Variants in CSPP1 observed in about 807,000 individuals in gnomAD.
CSPP1 encodes centrosome and spindle pole-associated protein 1.
CSPP1 carries 126 observed loss-of-function variants against 164.4 expected under a neutral mutation model. The observed-to-expected ratio is 0.77, with a 90% CI of 0.66 to 0.89. The LOEUF (loss-of-function observed/expected upper bound fraction) is 0.89. CSPP1 is among the 40% of genes least tolerant of loss of function. CSPP1 has a pLI of 0.00. For missense variants in CSPP1, 1,395 were observed against 1,449.8 expected, an observed-to-expected ratio of 0.96 and a Z score of 0.61; for synonymous variants, 472 against 476.7, an observed-to-expected ratio of 0.99 and a Z score of 0.13.
intron 1 of CSPP1, among the ~76,000 whole-genome samples, chr8:67,065,941 AAATATG>A (rs1339092433): frequency 2.0e-5 from 3 of 152,208 alleles, no homozygotes; most frequent in Non-Finnish European, 4.4e-5. Context: ...GCTTTCAGAC[AAATATG>A]AATTAACTGT....
chr8:67,167,822 C>T (rs1156355777), intron 24 of CSPP1, among the ~76,000 whole-genome samples: 5 of 150,590 alleles, frequency 3.3e-5, no homozygotes, highest in African/African-American at 4.9e-5. Context: ...ACTGGGCAGC[C>T]GGGCAGAGGG....
In CSPP1 at chr8:67,172,493, C is replaced by T. The variant is rs1480057271; in HGVS notation, c.2906C>T (p.Pro969Leu). Residue 969 changes from proline to leucine, a missense_variant, in exon 25 of 31, where the codon CCT becomes CTT. Pro to Leu is a moderately conservative substitution (Grantham distance 98). Coordinates refer to ENST00000678616, the MANE Select transcript of CSPP1 (RefSeq NM_001382391.1). ...CAAGCTCCTGTCAGAAGACAGTCCC[C>T]TAAGGGCTTAGACGCTGCCACTTTT... ...RLQAPVRRQSPKGLDAATFQN... is the reference protein window; with the variant it reads ...RLQAPVRRQSLKGLDAATFQN... 2.5e-6 allele frequency: 4 copies of T among 1,613,716 alleles called. No individual in the cohort carries two copies. The highest frequency in any genetic ancestry group is 2.2e-5 in the South Asian group (2 of 91,060).
intron 28 of CSPP1, 70 bp from the exon 29 acceptor site, chr8:67,190,580 C>A: frequency 8.9e-7 from 1 of 1,125,758 alleles, no homozygotes; most frequent in Non-Finnish European, 1.4e-6. Context: ...AATTAAAAGG[C>A]TCTTGGTTTA....
At chr8:67,083,548 A>AAAAAATAT (rs1332248754) in intron 3 of CSPP1, 6 of 91,484 alleles carry the variant, frequency 6.6e-5, no homozygotes, top group East Asian at 6.9e-4. Context: ...AAAAAAAAAA[A>AAAAAATAT]ATATATATAT....
At position 67,071,172 on chromosome 8, in the gene CSPP1, C is replaced by T. The variant is rs1029784226; in HGVS notation, c.-10-3071C>T. ...ATTCTTTTAGGTAAAGCCTGCTTTT[C>T]TACAATGATATATATATATATTTTA... On this transcript the variant is annotated intron_variant, in intron 1 of 30. Coordinates refer to ENST00000678616, the MANE Select transcript of CSPP1 (RefSeq NM_001382391.1). 3.3e-5 allele frequency among the ~76,000 whole-genome samples: 5 copies of T among 152,094 alleles called. No individual in the cohort carries two copies. The South Asian group carries it at 1.0e-3, about 31-fold the overall frequency.
At chr8:67,089,551 A>G (rs536177373) in intron 4 of CSPP1, among the ~76,000 whole-genome samples, 1 of 152,252 alleles carries the variant, frequency 6.6e-6, no homozygotes, top group African/African-American at 2.4e-5. Context: ...TGTCACAGTA[A>G]TTATTACCTT....
intron 18 of CSPP1, among the ~76,000 whole-genome samples, chr8:67,151,419 T>C (rs1026499180): frequency 6.6e-6 from 1 of 152,240 alleles, no homozygotes; most frequent in African/African-American, 2.4e-5. Flanking sequence ...TAGTCTGTAT[T>C]GAGATCTCAT....
intron 24 of CSPP1, among the ~76,000 whole-genome samples, chr8:67,171,778 C>A (rs555875996): frequency 6.6e-6 from 1 of 152,094 alleles, no homozygotes; most frequent in South Asian, 2.1e-4. Flanking sequence ...AAACTCCTGA[C>A]CTCAGGTGAT....
intron 28 of CSPP1, among the ~76,000 whole-genome samples, chr8:67,188,083 A>AAATT (rs1163805292): frequency 4.6e-5 from 7 of 152,250 alleles, no homozygotes; most frequent in African/African-American, 1.7e-4. Context: ...CTGTTAATTA[A>AAATT]GAGAATGAGA....
intron 14 of CSPP1, 80 bp from the exon 15 acceptor site, chr8:67,118,663 T>C: frequency 9.9e-7 from 1 of 1,012,390 alleles, no homozygotes; most frequent in South Asian, 1.6e-5. Context: ...ATTATGCACC[T>C]TTTTCTGGAG....
chr8:67,111,303 T>C (rs571130917), intron 9 of CSPP1, among the ~76,000 whole-genome samples: 3 of 152,342 alleles, frequency 2.0e-5, no homozygotes, highest in South Asian at 2.1e-4. Flanking sequence ...TCCTGTAGAA[T>C]TGAGTTTTTT....
At chr8:67,089,219 A>T (rs1018721161) in intron 4 of CSPP1, among the ~76,000 whole-genome samples, 7 of 151,598 alleles carry the variant, frequency 4.6e-5, no homozygotes, top group Non-Finnish European at 5.9e-5. Context: ...GTTTTAATTA[A>T]TTTTTTTTTC....
intron 19 of CSPP1, among the ~76,000 whole-genome samples, chr8:67,156,558 T>C (rs555004433): frequency 1.3e-5 from 2 of 152,306 alleles, no homozygotes; most frequent in Admixed American, 6.5e-5. Context: ...AAACCTAATA[T>C]GTAATTCTAA....
chr8:67,192,066 GTTTTTTTTTTTGT>G, intron 29 of CSPP1, among the ~76,000 whole-genome samples: 1 of 129,864 alleles, frequency 7.7e-6, no homozygotes. Context: ...TTGCTGATTT[GTTTTTTTTTTTGT>G]TTTTTTTTTT....
intron 21 of CSPP1, among the ~76,000 whole-genome samples, chr8:67,160,970 G>A (rs939787033): frequency 6.6e-6 from 1 of 152,048 alleles, no homozygotes; most frequent in African/African-American, 2.4e-5. Flanking sequence ...GGAATTACAG[G>A]TGCAAACTAC....
chr8:67,087,923 A>T (rs1810743764), intron 4 of CSPP1, among the ~76,000 whole-genome samples: 1 of 152,092 alleles, frequency 6.6e-6, no homozygotes, highest in Non-Finnish European at 1.5e-5. Context: ...GCTAATTTTC[A>T]CTTCACCCTC....
intron 18 of CSPP1, 128 bp downstream of exon 18, chr8:67,150,063 AAC>A: frequency 2.2e-6 from 2 of 928,852 alleles, no homozygotes; most frequent in East Asian, 3.0e-5. Context: ...CAGGAAACAT[AAC>A]ACACTATTCA....
At chr8:67,166,273 T>TGCTGGGTGTCACTGCTTCTA (rs1829291752) in intron 24 of CSPP1, among the ~76,000 whole-genome samples, 1 of 152,236 alleles carries the variant, frequency 6.6e-6, no homozygotes, top group African/African-American at 2.4e-5. Context: ...GTCTGCTTAT[T>TGCTGGGTGTCACTGCTTCTA]GCTGGGTGTC....
rs533123343 is a variant in CSPP1 at position 67,073,850 on chromosome 8, T to G, written c.-10-393T>G. On this transcript the variant is annotated intron_variant, in intron 1 of 30. Transcript: ENST00000678616. ...TTAATAGGGAATTAATAAAGACTCT[T>G]TGTGTGTTCTTGGTATTATTACTGT... is the stretch of plus-strand genomic sequence containing the variant. 3.3e-5 allele frequency among the ~76,000 whole-genome samples: 5 copies of G among 152,254 alleles called. No individual in the cohort carries two copies. In the South Asian group the frequency reaches 1.0e-3, roughly 32 times the overall value.
Sources: gnomAD v4.1 joint callset for allele counts (sites outside exome capture counted in the v4.1 genomes callset) on GRCh38, gnomAD v4.1.1 for gene constraint, MANE v1.5 for transcripts, NCBI Gene and HGNC (gene_info 2026-07-23, HGNC 2026-07-21) for gene names.